The following DNM3 variants were observed in gnomAD, a reference collection of about 807,000 sequenced individuals.
DNM3 encodes the protein dynamin 3.
In DNM3, 47 loss-of-function variants were observed where a neutral mutation model predicts 101.6. The ratio of observed to expected loss-of-function variants is 0.46; its 90% CI spans 0.37 to 0.59. The LOEUF (loss-of-function observed/expected upper bound fraction) is 0.59. DNM3 is among the 20% of genes least tolerant of loss of function. The pLI is 0.00. For missense variants in DNM3, 849 were observed against 1,085.7 expected (o/e 0.78, Z 3.06); for synonymous variants, 385 against 387.9 (o/e 0.99, Z 0.09).
intron 15 of DNM3, among the ~76,000 whole-genome samples, chr1:172,298,898 G>A (rs2064299316): frequency 6.6e-6 from 1 of 150,514 alleles, no homozygotes; most frequent in Non-Finnish European, 1.5e-5. Context: ...AGAAAGAAAG[G>A]AAAAGAAAGA....
chr1:172,158,779 G>A (rs1018544801), intron 14 of DNM3, among the ~76,000 whole-genome samples: 6 of 151,934 alleles, frequency 3.9e-5, no homozygotes, highest in Non-Finnish European at 5.9e-5. Context: ...GTAAAATAGA[G>A]AAAAAGTTTT....
At chr1:172,049,556 A>G (rs938491748) in intron 10 of DNM3, among the ~76,000 whole-genome samples, 3 of 152,198 alleles carry the variant, frequency 2.0e-5, no homozygotes, top group Non-Finnish European at 4.4e-5. Flanking sequence ...TATGGAGAAC[A>G]TGTGCTGAAT....
At chr1:172,388,547 A>C in intron 19 of DNM3, 26 bp from the exon 20 acceptor site, 1 of 1,591,024 alleles carries the variant, frequency 6.3e-7, no homozygotes, top group Non-Finnish European at 8.6e-7. Flanking sequence ...AGGAGTGAGC[A>C]AACTATGATT....
intron 11 of DNM3, among the ~76,000 whole-genome samples, chr1:172,078,228 G>A (rs556315315): frequency 2.6e-5 from 4 of 152,082 alleles, no homozygotes; most frequent in Non-Finnish European, 5.9e-5. Flanking sequence ...GGGTAGCTGG[G>A]ATTACAGGCA....
intron 14 of DNM3, among the ~76,000 whole-genome samples, chr1:172,163,437 G>A (rs929465393): frequency 2.0e-5 from 3 of 151,500 alleles, no homozygotes; most frequent in Admixed American, 6.6e-5. Context: ...ACGAGGTTTC[G>A]CCATGTTAGC....
chr1:172,184,960 C>G (rs1363592375), intron 14 of DNM3, among the ~76,000 whole-genome samples: 1 of 151,950 alleles, frequency 6.6e-6, no homozygotes, highest in Admixed American at 6.6e-5. Flanking sequence ...TTTGTAACAG[C>G]TGAGAATTGG....
At position 171,916,514 on chromosome 1, in the gene DNM3, T is replaced by A. The variant is rs377196429; in HGVS notation, c.162-5234T>A. Among the ~76,000 whole-genome samples the A allele has an allele frequency of 7.2e-5, 11 of 152,308 alleles. No homozygotes were observed. The East Asian group carries it at 2.1e-3, about 29-fold the overall frequency. On this transcript the variant is annotated intron_variant, in intron 1 of 20. Coordinates refer to ENST00000627582, the MANE Select transcript of DNM3 (RefSeq NM_015569.5). ...AGGAGATTCATCAGAAGGAGGGGCA[T>A]CAGAAGGAGATTCCACATCAAAGCA...
chr1:171,892,131 G>T (rs903096928), intron 1 of DNM3, among the ~76,000 whole-genome samples: 1 of 151,922 alleles, frequency 6.6e-6, no homozygotes, highest in African/African-American at 2.4e-5. Flanking sequence ...CTTTCAGTTG[G>T]TTCTATGTCC....
At chr1:172,369,201 TG>T (rs2149032354) in intron 17 of DNM3, among the ~76,000 whole-genome samples, 1 of 152,014 alleles carries the variant, frequency 6.6e-6, no homozygotes, top group South Asian at 2.1e-4. Flanking sequence ...ATATCCCTGA[TG>T]AACATAGATG....
chr1:172,256,609 T>G (rs908010505), intron 15 of DNM3, among the ~76,000 whole-genome samples: 4 of 151,980 alleles, frequency 2.6e-5, no homozygotes, highest in African/African-American at 4.8e-5. Flanking sequence ...GTTTTGTGTC[T>G]TTTCAGAGAA....
chr1:172,071,628 G>A lies in DNM3; in HGVS notation c.1422+2723G>A, dbSNP rs185731672. ...CCAACTTCTGCTCTGGAAGCTTTGTGGGAAAAAAAAATCTTCAAAATTAAG... is the reference window on the plus strand; with the variant it reads ...CCAACTTCTGCTCTGGAAGCTTTGTAGGAAAAAAAAATCTTCAAAATTAAG... On this transcript the variant is annotated intron_variant, in intron 11 of 20. Transcript: ENST00000627582. Among the ~76,000 whole-genome samples the A allele has an allele frequency of 1.7e-4, 26 of 149,996 alleles. No individual in the cohort carries two copies. The East Asian group carries it at 5.2e-3, about 30-fold the overall frequency.
chr1:171,975,214 G>T (rs994118573), intron 2 of DNM3, among the ~76,000 whole-genome samples: 3 of 152,016 alleles, frequency 2.0e-5, no homozygotes, highest in Admixed American at 6.6e-5. Context: ...TATTGCCTGA[G>T]TCATAGAATT....
intron 4 of DNM3, among the ~76,000 whole-genome samples, chr1:172,022,854 C>G (rs1290175451): frequency 6.6e-6 from 1 of 152,144 alleles, no homozygotes; most frequent in African/African-American, 2.4e-5. Context: ...TACTCACACA[C>G]TCACATATGC....
chr1:171,873,485 AG>A (rs1180529395), intron 1 of DNM3, among the ~76,000 whole-genome samples: 1 of 152,146 alleles, frequency 6.6e-6, no homozygotes, highest in Non-Finnish European at 1.5e-5. Context: ...CAATACCCAA[AG>A]TAAATAAGTA....
At chr1:172,263,679 C>T (rs1182745780) in intron 15 of DNM3, among the ~76,000 whole-genome samples, 1 of 152,076 alleles carries the variant, frequency 6.6e-6, no homozygotes. Flanking sequence ...ATCATGAGAA[C>T]AGCATGGGAA....
chr1:171,962,443 G>T (rs1558333897), intron 2 of DNM3, among the ~76,000 whole-genome samples: 1 of 152,258 alleles, frequency 6.6e-6, no homozygotes, highest in South Asian at 2.1e-4. Flanking sequence ...GTAAGCAGTG[G>T]TAATGGTCAC....
intron 13 of DNM3, among the ~76,000 whole-genome samples, chr1:172,118,894 A>G (rs1192232299): frequency 6.6e-6 from 1 of 152,116 alleles, no homozygotes; most frequent in African/African-American, 2.4e-5. Flanking sequence ...GATTAAAGAC[A>G]AAGGCCTGGC....
chr1:172,201,160 T>A (rs1261906336), intron 14 of DNM3, among the ~76,000 whole-genome samples: 2 of 152,174 alleles, frequency 1.3e-5, no homozygotes, highest in African/African-American at 4.8e-5. Flanking sequence ...GTGTTGAAGC[T>A]TTAGGGTGTG....
intron 9 of DNM3, among the ~76,000 whole-genome samples, chr1:172,046,260 A>C (rs2049790298): frequency 6.6e-6 from 1 of 152,194 alleles, no homozygotes; most frequent in Non-Finnish European, 1.5e-5. Context: ...TTGTAGGGAC[A>C]TGGATGAAAT....
Sources: gnomAD v4.1 joint callset for allele counts (sites outside exome capture counted in the v4.1 genomes callset) on GRCh38, gnomAD v4.1.1 for gene constraint, MANE v1.5 for transcripts, NCBI Gene and HGNC (gene_info 2026-07-23, HGNC 2026-07-21) for gene names.